The following BMPER variants were observed in gnomAD, a reference collection of about 807,000 sequenced individuals.
The protein encoded by BMPER is BMP-binding endothelial regulator protein.
Under a neutral mutation model 87.3 loss-of-function variants are expected in BMPER, and 45 were observed. That is an observed-to-expected ratio of 0.52 (90% CI 0.41 to 0.66). The LOEUF (loss-of-function observed/expected upper bound fraction) is 0.66. Ranked by LOEUF, BMPER falls within the 30% of genes least tolerant of loss-of-function variation. BMPER has a pLI of 0.00. For missense variants in BMPER, 784 were observed against 867.5 expected, an observed-to-expected ratio of 0.90 and a Z score of 1.21; for synonymous variants, 326 against 316.2, an observed-to-expected ratio of 1.03 and a Z score of -0.33.
At chr7:33,991,806 G>C (rs1333921581) in intron 6 of BMPER, among the ~76,000 whole-genome samples, 4 of 146,644 alleles carry the variant, frequency 2.7e-5, no homozygotes, top group Admixed American at 1.4e-4. Context: ...CAGAGATTCT[G>C]GTATGTTGTG....
intron 8 of BMPER, among the ~76,000 whole-genome samples, chr7:34,052,937 T>C (rs1457425697): frequency 1.3e-5 from 2 of 152,208 alleles, no homozygotes; most frequent in Non-Finnish European, 2.9e-5. Context: ...TGTGTTATCC[T>C]ATGCTAAATG....
intron 3 of BMPER, among the ~76,000 whole-genome samples, chr7:33,944,234 C>G (rs139276798): frequency 2.6e-5 from 4 of 151,360 alleles, no homozygotes; most frequent in Non-Finnish European, 4.4e-5. Context: ...AGTGTGATCT[C>G]GGCTCACTGC....
chr7:34,033,870 T>C (rs1391828801), intron 6 of BMPER, among the ~76,000 whole-genome samples: 1 of 152,244 alleles, frequency 6.6e-6, no homozygotes, highest in African/African-American at 2.4e-5. Context: ...TCTATCCTTC[T>C]AGTTATGGTC....
chr7:33,978,850 A>G (rs1041665380), intron 6 of BMPER, among the ~76,000 whole-genome samples: 1 of 152,222 alleles, frequency 6.6e-6, no homozygotes, highest in African/African-American at 2.4e-5. Flanking sequence ...ATTTTATAAT[A>G]AACTATTGAA....
chr7:34,030,908 T>C (rs1787502894), intron 6 of BMPER, among the ~76,000 whole-genome samples: 1 of 152,050 alleles, frequency 6.6e-6, no homozygotes. Context: ...TCCCTATACA[T>C]TGATTTTTTT....
chr7:34,050,891 T>C (rs897500365), intron 7 of BMPER, among the ~76,000 whole-genome samples: 2 of 152,198 alleles, frequency 1.3e-5, no homozygotes, highest in Non-Finnish European at 2.9e-5. Context: ...ACACTCGACA[T>C]GTACCTCTGC....
chr7:34,056,234 T>G (rs1788280692), intron 9 of BMPER, among the ~76,000 whole-genome samples: 1 of 152,058 alleles, frequency 6.6e-6, no homozygotes, highest in Non-Finnish European at 1.5e-5. Context: ...CTAGGGCCTG[T>G]TGGGGGGTAG....
At chr7:34,045,552 A>T (rs537079847) in intron 6 of BMPER, among the ~76,000 whole-genome samples, 1 of 152,000 alleles carries the variant, frequency 6.6e-6, no homozygotes, top group South Asian at 2.1e-4. Flanking sequence ...ATATTCAGAG[A>T]CTCCATAACT....
intron 6 of BMPER, among the ~76,000 whole-genome samples, chr7:34,000,123 G>T (rs546007240): frequency 6.6e-6 from 1 of 152,264 alleles, no homozygotes; most frequent in South Asian, 2.1e-4. Context: ...GAGTGCACAG[G>T]CTGGAGAAGA....
intron 2 of BMPER, among the ~76,000 whole-genome samples, chr7:33,922,818 A>AT (rs745562111): frequency 1.2e-4 from 19 of 152,116 alleles, no homozygotes; most frequent in African/African-American, 1.7e-4. Context: ...GGGTTAGTAA[A>AT]TATTTTTTTT....
chr7:34,082,886 A>G (rs965726017), intron 12 of BMPER, among the ~76,000 whole-genome samples: 42 of 152,232 alleles, frequency 2.8e-4, no homozygotes, highest in Non-Finnish European at 1.0e-4. Flanking sequence ...ATTTTGCAAC[A>G]TGGAAAATCT....
intron 6 of BMPER, among the ~76,000 whole-genome samples, chr7:34,033,181 T>C (rs1585758154): frequency 6.6e-6 from 1 of 152,154 alleles, no homozygotes; most frequent in Admixed American, 6.6e-5. Context: ...TAAACACTTA[T>C]CAGGTAGCTA....
chr7:34,062,081 AT>A, intron 11 of BMPER, 34 bp downstream of exon 11: 2 of 1,586,158 alleles, frequency 1.3e-6, no homozygotes, highest in South Asian at 1.1e-5. Context: ...TGCTATTAGT[AT>A]TTGTTTTGCA....
At chr7:33,944,933 A>G (rs974990220) in intron 3 of BMPER, among the ~76,000 whole-genome samples, 5 of 152,258 alleles carry the variant, frequency 3.3e-5, no homozygotes, top group African/African-American at 1.2e-4. Context: ...CAGAGATAAC[A>G]TTATTCCTGC....
At chr7:34,012,554 A>C (rs192004237) in intron 6 of BMPER, among the ~76,000 whole-genome samples, 24 of 152,004 alleles carry the variant, frequency 1.6e-4, no homozygotes, top group African/African-American at 5.5e-4. Context: ...ACACATACAC[A>C]CAGAAAACCA....
intron 6 of BMPER, among the ~76,000 whole-genome samples, chr7:34,037,458 G>A (rs967014068): frequency 2.6e-5 from 4 of 151,996 alleles, no homozygotes; most frequent in East Asian, 1.9e-4. Context: ...CACCGAGACC[G>A]GTTGAGGCAT....
chr7:34,024,716 GACTA>G (rs1050790857), intron 6 of BMPER, among the ~76,000 whole-genome samples: 1 of 151,612 alleles, frequency 6.6e-6, no homozygotes, highest in Admixed American at 6.6e-5. Flanking sequence ...TTATTCTCCT[GACTA>G]ACCTCATTAT....
chr7:34,060,199 A>T (rs1788399669), intron 10 of BMPER, among the ~76,000 whole-genome samples: 1 of 152,042 alleles, frequency 6.6e-6, no homozygotes, highest in African/African-American at 2.4e-5. Flanking sequence ...TAATTTAGTG[A>T]TATCATCACT....
chr7:34,147,027 A>G (rs746815298), intron 14 of BMPER, among the ~76,000 whole-genome samples: 2 of 152,180 alleles, frequency 1.3e-5, no homozygotes, highest in Admixed American at 6.5e-5. Flanking sequence ...AACTGATACT[A>G]ATTGTCACTG....
Sources: gnomAD v4.1 joint callset for allele counts (sites outside exome capture counted in the v4.1 genomes callset) on GRCh38, gnomAD v4.1.1 for gene constraint, MANE v1.5 for transcripts, NCBI Gene and HGNC (gene_info 2026-07-23, HGNC 2026-07-21) for gene names.